CEMIP: variants seen among roughly 807,000 people sequenced by gnomAD.
CEMIP encodes cell migration-inducing and hyaluronan-binding protein.
In CEMIP, 105 loss-of-function variants were observed where a neutral mutation model predicts 156.9. The ratio of observed to expected loss-of-function variants is 0.67; its 90% CI spans 0.57 to 0.79. The LOEUF is 0.79. CEMIP is among the 30% of genes least tolerant of loss of function. CEMIP has a pLI of 0.00. For missense variants in CEMIP, 1,457 were observed against 1,769.4 expected (o/e 0.82, Z 3.17); for synonymous variants, 676 against 668.4 (o/e 1.01, Z -0.17).
rs1450241341 is a variant in CEMIP at position 80,948,905 on chromosome 15, T to G, written c.4067T>G (p.Val1356Gly). 6.2e-7 allele frequency: 1 copy of G among 1,614,000 alleles called. No homozygotes were observed. The highest frequency in any genetic ancestry group is 8.5e-7 in the Non-Finnish European group (1 of 1,179,988). ...TTCCAAGTTGTGCCCATCCCTGTGG[T>G]GAAGAAGAAGAAGTTGTGAGGACAG... Reference protein sequence around the residue: ...KIFQVVPIPVVKKKKL With the variant: ...KIFQVVPIPVGKKKKL The change falls in exon 30 of 30, where the codon GTG becomes GGG. Residue 1356 changes from valine (V) to glycine (G), a missense_variant. Transcript: ENST00000394685.
chr15:80,783,038 C>G (rs907290564), intron 1 of CEMIP, among the ~76,000 whole-genome samples: 13 of 152,236 alleles, frequency 8.5e-5, no homozygotes, highest in Non-Finnish European at 1.9e-4. Flanking sequence ...GCAACAGTAT[C>G]TGAGTCCTCA....
intron 1 of CEMIP, among the ~76,000 whole-genome samples, chr15:80,847,527 A>T (rs1207922500): frequency 6.6e-6 from 1 of 152,244 alleles, no homozygotes; most frequent in African/African-American, 2.4e-5. Context: ...GTAAAGATCC[A>T]GTCCCTTCAC....
At position 80,949,714 on chromosome 15, in the gene CEMIP, G is replaced by C. The variant is rs1291519312; in HGVS notation, c.*790G>C. 1 of 153,190 alleles carries C rather than the reference G, an allele frequency of 6.5e-6. No homozygotes were observed. The highest frequency in any genetic ancestry group is 1.5e-5 in the Non-Finnish European group (1 of 68,720). 9.5% of individuals were successfully genotyped at this position (153,190 alleles called of 1,614,324 possible). A position where few individuals can be genotyped will look rare whatever the true frequency, so the allele number is the denominator to read the frequency against. The stretch of plus-strand genomic sequence containing the variant: ...GAGGGGTCTGCAGTCCAGTAGGGCA[G>C]GCAGTCAGGTCCATGTGCACTGCAA... On this transcript the variant is annotated 3_prime_UTR_variant, in exon 30 of 30. Transcript: ENST00000394685.
intron 1 of CEMIP, among the ~76,000 whole-genome samples, chr15:80,780,003 C>G (rs1895748855): frequency 6.6e-6 from 1 of 152,066 alleles, no homozygotes; most frequent in Non-Finnish European, 1.5e-5. Context: ...GAGGGAGTAC[C>G]ACAAGGGTCA....
chr15:80,848,740 C>T (rs933766524), intron 1 of CEMIP, among the ~76,000 whole-genome samples: 7 of 152,236 alleles, frequency 4.6e-5, no homozygotes, highest in Non-Finnish European at 1.0e-4. Context: ...GTTTCCCCAG[C>T]TTCTGAAAGT....
chr15:80,825,228 A>T (rs1256058307), intron 1 of CEMIP, among the ~76,000 whole-genome samples: 1 of 152,094 alleles, frequency 6.6e-6, no homozygotes, highest in Non-Finnish European at 1.5e-5. Flanking sequence ...GCATTGTACC[A>T]CTATGAAGTG....
chr15:80,782,323 A>T (rs1895818769), intron 1 of CEMIP, among the ~76,000 whole-genome samples: 1 of 152,178 alleles, frequency 6.6e-6, no homozygotes, highest in African/African-American at 2.4e-5. Context: ...GGTTAGCTTT[A>T]TGGAGTGGAA....
At chr15:80,888,484 G>A (rs1474494086) in intron 8 of CEMIP, among the ~76,000 whole-genome samples, 4 of 152,208 alleles carry the variant, frequency 2.6e-5, no homozygotes, top group Non-Finnish European at 5.9e-5. Flanking sequence ...AATTTGTTGG[G>A]AGGCTGGAAC....
chr15:80,884,271 T>C lies in CEMIP; in HGVS notation c.714T>C (p.Asp238=). The change falls in exon 7 of 30, where the codon GAT becomes GAC. Residue 238 remains aspartate, a synonymous_variant. Coordinates refer to ENST00000394685, the MANE Select transcript of CEMIP (RefSeq NM_001293298.2). ...GGATCCTTTCTGTTGCAGTGAATGA[T>C]GAAGGTTCTCGAAATCTGGATGACA... ...DGRILSVAVN[D]EGSRNLDDMA... 2 of 1,614,246 alleles carry C rather than the reference T, an allele frequency of 1.2e-6. No homozygotes were observed. The highest frequency in any genetic ancestry group is 1.7e-6 in the Non-Finnish European group (2 of 1,180,028).
intron 1 of CEMIP, among the ~76,000 whole-genome samples, chr15:80,809,898 TC>T (rs1896615366): frequency 6.6e-6 from 1 of 152,216 alleles, no homozygotes; most frequent in African/African-American, 2.4e-5. Context: ...AGGTTCTCTT[TC>T]TGCAACCAGC....
At chr15:80,872,764 G>T in intron 1 of CEMIP, among the ~76,000 whole-genome samples, 2 of 151,966 alleles carry the variant, frequency 1.3e-5, no homozygotes, top group Middle Eastern at 6.8e-3. Context: ...GCAGTGAGCC[G>T]AGCTCCCGCC....
At chr15:80,843,488 G>A (rs566950987) in intron 1 of CEMIP, among the ~76,000 whole-genome samples, 88 of 152,312 alleles carry the variant, frequency 5.8e-4, no homozygotes, top group African/African-American at 2.0e-3. Flanking sequence ...AGGGGCAGGG[G>A]GGCTGCTACA....
chr15:80,858,565 A>AAT (rs1567071657), intron 1 of CEMIP, among the ~76,000 whole-genome samples: 1 of 151,720 alleles, frequency 6.6e-6, no homozygotes, highest in Non-Finnish European at 1.5e-5. Flanking sequence ...AAAAAAAAAA[A>AAT]AAATACAAAA....
intron 1 of CEMIP, among the ~76,000 whole-genome samples, chr15:80,780,523 G>T (rs1358223550): frequency 6.6e-6 from 1 of 152,232 alleles, no homozygotes; most frequent in Admixed American, 6.5e-5. Context: ...AGGGTCGGAC[G>T]CTACGGCAGT....
intron 7 of CEMIP, among the ~76,000 whole-genome samples, chr15:80,885,301 T>A (rs907766046): frequency 2.0e-5 from 3 of 152,204 alleles, no homozygotes; most frequent in African/African-American, 7.2e-5. Flanking sequence ...GCAATTTTGC[T>A]GGCTGGGCAG....
chr15:80,883,660 C>T (rs1293335669), intron 6 of CEMIP, among the ~76,000 whole-genome samples: 2 of 152,166 alleles, frequency 1.3e-5, no homozygotes, highest in African/African-American at 4.8e-5. Context: ...CTGCAAGTAA[C>T]TCTGTGCAAG....
In CEMIP at chr15:80,808,892, T is replaced by G. The variant is rs576371560; in HGVS notation, c.-176+29278T>G. Among the ~76,000 whole-genome samples the G allele has an allele frequency of 2.0e-5, 3 of 152,192 alleles. No homozygotes were observed. In the East Asian group the frequency reaches 5.8e-4, roughly 29 times the overall value. On this transcript the variant is annotated intron_variant, in intron 1 of 29. Coordinates refer to ENST00000394685, the MANE Select transcript of CEMIP (RefSeq NM_001293298.2). ...AACTGACTTTGCTAAAAATTGTCAG[T>G]GATTTAATTGATCAACACCATATGC...
chr15:80,834,033 T>C (rs1365233040), intron 1 of CEMIP, among the ~76,000 whole-genome samples: 1 of 152,202 alleles, frequency 6.6e-6, no homozygotes, highest in African/African-American at 2.4e-5. Context: ...ATTCTGTGCA[T>C]TGTAGGGTGT....
intron 24 of CEMIP, 33 bp downstream of exon 24, chr15:80,936,918 C>G: frequency 6.3e-7 from 1 of 1,598,128 alleles, no homozygotes; most frequent in Non-Finnish European, 8.6e-7. Context: ...GCAGTGAGCT[C>G]AAAGCTGATA....
Sources: allele counts gnomAD v4.1 joint callset (sites outside exome capture counted in the v4.1 genomes callset), GRCh38; gene constraint gnomAD v4.1.1; transcripts MANE v1.5; gene names NCBI Gene and HGNC (gene_info 2026-07-23, HGNC 2026-07-21).